CACNA2D1: variants seen among roughly 807,000 people sequenced by gnomAD.
The protein encoded by CACNA2D1 is voltage-dependent calcium channel subunit alpha-2/delta-1.
In CACNA2D1, 53 loss-of-function variants were observed where a neutral mutation model predicts 171.5. That is an observed-to-expected ratio of 0.31 (90% CI 0.25 to 0.39). CACNA2D1 has a LOEUF of 0.39. Among genes scored for constraint, CACNA2D1 ranks in the 10% least tolerant of loss-of-function variants. CACNA2D1 has a pLI of 1.00. For synonymous variants in CACNA2D1, 442 were observed against 443.1 expected, an observed-to-expected ratio of 1.00 and a Z score of 0.03; for missense variants, 903 against 1,299.8, an observed-to-expected ratio of 0.69 and a Z score of 4.69.
chr7:82,009,252 C>T (rs144172389), intron 15 of CACNA2D1: 1 of 152,222 alleles, frequency 6.6e-6, no homozygotes, highest in East Asian at 1.9e-4. Context: ...CCTCCCCAGC[C>T]ACATGGAACT....
chr7:82,011,213 C>G (rs567376415), intron 15 of CACNA2D1, among the ~76,000 whole-genome samples: 1 of 152,210 alleles, frequency 6.6e-6, no homozygotes, highest in Admixed American at 6.6e-5. Flanking sequence ...CTGGGCCACA[C>G]TGAGAGAAGA....
intron 3 of CACNA2D1, among the ~76,000 whole-genome samples, chr7:82,249,115 CAAAA>C (rs780021068): frequency 8.8e-6 from 1 of 113,754 alleles, no homozygotes; most frequent in Non-Finnish European, 1.9e-5. Flanking sequence ...GACTCCATCT[CAAAA>C]AAAAAAAAAA....
At chr7:82,443,778 C>T (rs1046537565), upstream of CACNA2D1, 7 of 1,052,406 alleles carry the variant, frequency 6.7e-6, no homozygotes, top group African/African-American at 9.9e-5. Context: ...CGCTCTCGCT[C>T]TCCCTCTCGG....
At chr7:82,102,849 G>A (rs913251892) in intron 6 of CACNA2D1, among the ~76,000 whole-genome samples, 1 of 152,146 alleles carries the variant, frequency 6.6e-6, no homozygotes, top group Admixed American at 6.5e-5. Context: ...GTGTTGAAAG[G>A]AGAGATTCAG....
At chr7:81,952,324 C>G (rs1792697128) in intron 38 of CACNA2D1, among the ~76,000 whole-genome samples, 1 of 151,932 alleles carries the variant, frequency 6.6e-6, no homozygotes, top group Admixed American at 6.6e-5. Flanking sequence ...AACTTTGGCT[C>G]TTTTTGTTCA....
chr7:82,025,807 T>C (rs2131073915), intron 12 of CACNA2D1, among the ~76,000 whole-genome samples: 1 of 151,850 alleles, frequency 6.6e-6, no homozygotes, highest in East Asian at 1.9e-4. Flanking sequence ...TATTTGGTTA[T>C]AGTGTTGTTC....
chr7:82,173,726 T>G (rs1424431276), intron 3 of CACNA2D1, among the ~76,000 whole-genome samples: 1 of 151,918 alleles, frequency 6.6e-6, no homozygotes, highest in East Asian at 1.9e-4. Context: ...GAGCTACCAT[T>G]AAATGGCACC....
chr7:82,295,042 T>A (rs569457818), intron 3 of CACNA2D1, among the ~76,000 whole-genome samples: 1 of 152,150 alleles, frequency 6.6e-6, no homozygotes, highest in African/African-American at 2.4e-5. Context: ...TAATTATTAA[T>A]TACACAAAAA....
At chr7:82,271,964 A>G (rs553147358) in intron 3 of CACNA2D1, among the ~76,000 whole-genome samples, 6 of 152,260 alleles carry the variant, frequency 3.9e-5, no homozygotes, top group African/African-American at 1.4e-4. Context: ...AAAATAAACA[A>G]TATTTATAAT....
intron 4 of CACNA2D1, among the ~76,000 whole-genome samples, chr7:82,169,852 A>T (rs1042824917): frequency 3.7e-4 from 55 of 149,098 alleles, no homozygotes; most frequent in African/African-American, 1.3e-3. Flanking sequence ...TTATTAAGGA[A>T]TTTTTTTTTT....
At chr7:82,301,840 C>G (rs189675893) in intron 3 of CACNA2D1, among the ~76,000 whole-genome samples, 112 of 152,002 alleles carry the variant, frequency 7.4e-4, no homozygotes, top group African/African-American at 2.6e-3. Flanking sequence ...TGACTGCAAC[C>G]TCTGCCTTCT....
intron 12 of CACNA2D1, among the ~76,000 whole-genome samples, chr7:82,031,572 A>C (rs1802705465): frequency 6.6e-6 from 1 of 151,980 alleles, no homozygotes; most frequent in Non-Finnish European, 1.5e-5. Flanking sequence ...ACTGTAGTAC[A>C]TGCAGTAAGC....
At chr7:82,357,167 A>C (rs906458168) in intron 1 of CACNA2D1, among the ~76,000 whole-genome samples, 1 of 152,176 alleles carries the variant, frequency 6.6e-6, no homozygotes, top group African/African-American at 2.4e-5. Flanking sequence ...CTTGCCATTC[A>C]ATTAATATTG....
intron 7 of CACNA2D1, among the ~76,000 whole-genome samples, chr7:82,071,041 GAAC>G (rs959702001): frequency 6.6e-6 from 1 of 152,120 alleles, no homozygotes; most frequent in Non-Finnish European, 1.5e-5. Context: ...CTGATGAAAA[GAAC>G]AACAACTAGA....
At chr7:82,397,074 C>G (rs1825821210) in intron 1 of CACNA2D1, among the ~76,000 whole-genome samples, 1 of 152,160 alleles carries the variant, frequency 6.6e-6, no homozygotes, top group Non-Finnish European at 1.5e-5. Context: ...CTCCCCACCC[C>G]ACCTCCATTC....
chr7:82,341,907 A>T (rs1164889673), intron 2 of CACNA2D1, among the ~76,000 whole-genome samples: 1 of 150,536 alleles, frequency 6.6e-6, no homozygotes, highest in African/African-American at 2.4e-5. Flanking sequence ...AAAAAAAATT[A>T]GCCAGGCGTG....
In CACNA2D1 at chr7:82,321,878, G is replaced by A. The variant is rs527633122; in HGVS notation, c.294+13257C>T. ...GCGGTGGCTCACGCCTGTAATCCCA[G>A]CACTTTGGGAGGCCGAGGCGGGCGG... is the stretch of plus-strand genomic sequence containing the variant. On this transcript the variant is annotated intron_variant, in intron 3 of 38. Transcript: ENST00000356860. Among the ~76,000 whole-genome samples, 19 of 152,084 alleles carry A rather than the reference G, an allele frequency of 1.2e-4. No homozygotes were observed. The East Asian group carries it at 3.7e-3, about 30-fold the overall frequency.
chr7:82,303,092 C>A (rs1166122233), intron 3 of CACNA2D1, among the ~76,000 whole-genome samples: 2 of 152,126 alleles, frequency 1.3e-5, no homozygotes, highest in African/African-American at 2.4e-5. Context: ...CTCCTGGGTT[C>A]ATGCCATTCT....
chr7:82,052,008 A>T (rs926033431), intron 10 of CACNA2D1, among the ~76,000 whole-genome samples: 1 of 152,220 alleles, frequency 6.6e-6, no homozygotes, highest in Non-Finnish European at 1.5e-5. Context: ...TGATTTAAGC[A>T]TGAAAAATTA....
Sources: gnomAD v4.1 joint callset for allele counts (sites outside exome capture counted in the v4.1 genomes callset) on GRCh38, gnomAD v4.1.1 for gene constraint, MANE v1.5 for transcripts, NCBI Gene and HGNC (gene_info 2026-07-23, HGNC 2026-07-21) for gene names.